The following PRRC2C variants were observed in gnomAD, a reference collection of about 807,000 sequenced individuals.
The protein encoded by PRRC2C is protein PRRC2C.
PRRC2C carries 72 observed loss-of-function variants against 317.2 expected under a neutral mutation model. That is an observed-to-expected ratio of 0.23 (90% CI 0.19 to 0.28). The LOEUF (loss-of-function observed/expected upper bound fraction) is 0.28. Among genes scored for constraint, PRRC2C ranks in the 10% least tolerant of loss-of-function variants. The pLI is 1.00. For missense variants in PRRC2C, 3,074 were observed against 3,459.7 expected, an observed-to-expected ratio of 0.89 and a Z score of 2.80; for synonymous variants, 1,296 against 1,205.9, an observed-to-expected ratio of 1.07 and a Z score of -1.55.
intron 10 of PRRC2C, among the ~76,000 whole-genome samples, chr1:171,527,492 C>T (rs1183319645): frequency 6.6e-6 from 1 of 151,536 alleles, no homozygotes; most frequent in Non-Finnish European, 1.5e-5. Flanking sequence ...TGTGGTGGCT[C>T]ACATCTGTAA....
rs553283026 is a variant in PRRC2C at position 171,500,173 on chromosome 1, T to G, written c.-57-11859T>G. Among the ~76,000 whole-genome samples the G allele has an allele frequency of 2.6e-5, 4 of 152,228 alleles. No homozygotes were observed. In the East Asian group the frequency reaches 7.7e-4, roughly 29 times the overall value. On this transcript the variant is annotated intron_variant, in intron 1 of 34. Transcript: ENST00000647382. ...AAACCCATTGTGGCCAGAAAGAAAG[T>G]TATGTCATTCAGTTGAATTTAGCAA...
chr1:171,591,904 G>A lies in PRRC2C; in HGVS notation c.*57G>A, dbSNP rs1278007994. The A allele has an allele frequency of 3.3e-6, 5 of 1,514,460 alleles. No individual in the cohort carries two copies. The Admixed American group carries it at 9.8e-5, about 30-fold the overall frequency. 93.8% of individuals were successfully genotyped at this position (1,514,460 alleles called of 1,614,324 possible). On this transcript the variant is annotated 3_prime_UTR_variant, in exon 35 of 35. Coordinates refer to ENST00000647382, the MANE Select transcript of PRRC2C (RefSeq NM_001387844.1). Reference sequence around the variant, plus strand: ...GGGGCGGGAAAACATGGAGAATTAAGTCAGATAATGCTGGCAGCCAAAGGG... The same window carrying A: ...GGGGCGGGAAAACATGGAGAATTAAATCAGATAATGCTGGCAGCCAAAGGG...
At chr1:171,570,087 A>C (rs1684490701) in intron 23 of PRRC2C, among the ~76,000 whole-genome samples, 1 of 152,244 alleles carries the variant, frequency 6.6e-6, no homozygotes, top group Admixed American at 6.5e-5. Context: ...AAGCAGAAAG[A>C]TCAGTTTGGG....
At chr1:171,561,890 C>T (rs1682786319) in intron 20 of PRRC2C, among the ~76,000 whole-genome samples, 1 of 152,094 alleles carries the variant, frequency 6.6e-6, no homozygotes, top group African/African-American at 2.4e-5. Context: ...TTACTAAGCA[C>T]TCACAGTATT....
intron 20 of PRRC2C, among the ~76,000 whole-genome samples, chr1:171,563,857 T>C (rs1478952939): frequency 6.6e-6 from 1 of 152,206 alleles, no homozygotes; most frequent in Admixed American, 6.5e-5. Flanking sequence ...TTTTTCATGC[T>C]GGTATGAAGG....
At chr1:171,535,259 A>G (rs1316291737) in intron 12 of PRRC2C, among the ~76,000 whole-genome samples, 169 bp from the exon 13 acceptor site, 7 of 152,204 alleles carry the variant, frequency 4.6e-5, no homozygotes, top group Non-Finnish European at 8.8e-5. Flanking sequence ...TGATAATCTA[A>G]TGTTACCTCA....
At chr1:171,549,199 T>G (rs1251534190) in intron 17 of PRRC2C, among the ~76,000 whole-genome samples, 5 of 152,144 alleles carry the variant, frequency 3.3e-5, no homozygotes, top group Non-Finnish European at 7.3e-5. Flanking sequence ...ATTTATTTAT[T>G]TATGTGTTTG....
rs2272808 is a variant in PRRC2C at position 171,524,799 on chromosome 1, C to G, written c.1056-22C>G. ...ATGATACAGTTGGTCCACTTTATTT[C>G]TTCTGCATTTTGATTTTTCAGTGAG... On this transcript the variant is annotated intron_variant, in intron 9 of 34. Transcript: ENST00000647382. 262 of 1,530,810 alleles carry G rather than the reference C, an allele frequency of 1.7e-4. 1 individual carries two copies. The East Asian group carries it at 6.0e-3, about 35-fold the overall frequency. The allele number at this position is 1,530,810 out of a possible 1,614,324, so 94.8% of individuals were successfully genotyped here.
At chr1:171,511,971 G>A (rs778146861) in intron 1 of PRRC2C, 61 bp from the exon 2 acceptor site, 1 of 542,610 alleles carries the variant, frequency 1.8e-6, no homozygotes, top group Non-Finnish European at 3.3e-6. Context: ...CAGAATTTCT[G>A]TGAACATTTG....
At position 171,517,661 on chromosome 1, in the gene PRRC2C, C is replaced by G; in HGVS notation, c.597C>G (p.Leu199=). The G allele has an allele frequency of 6.2e-7, 1 of 1,612,834 alleles. No individual in the cohort carries two copies. Among genetic ancestry groups the G allele is most frequent in the African/African-American group, 1.3e-5 (1 of 74,640 alleles). ...CGTCATCTGATCAAGATGAAAAGCT[C>G]CCTGGCCAGGATGAAAGCACAGCTG... ...SPSSSDQDEK[L]PGQDESTAGT... Residue 199 remains leucine, a synonymous_variant, in exon 6 of 35, where the codon CTC becomes CTG. Transcript: ENST00000647382.
At chr1:171,575,913 G>C (rs1685621541) in intron 25 of PRRC2C, among the ~76,000 whole-genome samples, 1 of 152,098 alleles carries the variant, frequency 6.6e-6, no homozygotes, top group African/African-American at 2.4e-5. Flanking sequence ...TGTTTGACTG[G>C]TTCTCATTCA....
chr1:171,537,270 T>C lies in PRRC2C; in HGVS notation c.2301T>C (p.Ile767=). ...TCTGAACTTTTGTTACAGGAATGAT[T>C]CCTCCTAAACCATTAATGAGAAGAG... ...MDIPPIHPGM[I]PPKPLMRRDQ... The change falls in exon 15 of 35, where the codon ATT becomes ATC. Residue 767 remains isoleucine, a synonymous_variant. Coordinates refer to ENST00000647382, the MANE Select transcript of PRRC2C (RefSeq NM_001387844.1). The C allele has an allele frequency of 1.3e-6, 2 of 1,588,206 alleles. No individual in the cohort carries two copies. Among genetic ancestry groups the C allele is most frequent in the Non-Finnish European group, 1.7e-6 (2 of 1,166,146 alleles).
chr1:171,566,342 A>C lies in PRRC2C; in HGVS notation c.6227A>C (p.Glu2076Ala), dbSNP rs771641931. 6 of 1,600,760 alleles carry C rather than the reference A, an allele frequency of 3.7e-6. No individual in the cohort carries two copies. In the Admixed American group the frequency reaches 6.9e-5, roughly 18 times the overall value. The change falls in exon 21 of 35, where the codon GAA (glutamate) becomes GCA (alanine). Residue 2076 changes from glutamate to alanine, a missense_variant. By Grantham distance (107) the Glu-to-Ala change is moderately radical (BLOSUM62 -1). This residue lies in a region of PRRC2C where 640 missense variants were observed against 676.1 expected (regional missense o/e 0.95). Transcript: ENST00000647382. ...NENEVVPVLSEKSADKIPEPK... is the reference protein window; with the variant it reads ...NENEVVPVLSAKSADKIPEPK... ...AATGAAGTTGTTCCTGTGCTTTCGG[A>C]AAAATCTGCTGACAAAATACCTGAA...
chr1:171,515,883 C>G lies in PRRC2C; in HGVS notation c.526+24C>G, dbSNP rs1331563059. 5 of 1,563,566 alleles carry G rather than the reference C, an allele frequency of 3.2e-6. No individual in the cohort carries two copies. The Admixed American group carries it at 1.0e-4, about 31-fold the overall frequency. On this transcript the variant is annotated intron_variant, in intron 5 of 34. Coordinates refer to ENST00000647382, the MANE Select transcript of PRRC2C (RefSeq NM_001387844.1). ...AAGTAAGAGTACTTTCTCTTTAATACAAAATGAGATCATATTTGTGTATTA... is the reference window on the plus strand; with the variant it reads ...AAGTAAGAGTACTTTCTCTTTAATAGAAAATGAGATCATATTTGTGTATTA...
At position 171,566,284 on chromosome 1, in the gene PRRC2C, C is replaced by A; in HGVS notation, c.6169C>A (p.Gln2057Lys). The change falls in exon 21 of 35, where the codon CAG becomes AAG. Residue 2057 changes from glutamine to lysine, a missense_variant. By Grantham distance (53) the Gln-to-Lys change is moderately conservative. Around this residue, in one of 11 missense-constraint regions of PRRC2C, gnomAD observed 640 missense variants for 676.1 expected, o/e 0.95. Transcript: ENST00000647382. ...ACTCGAAATTGGAACTGACACAATT[C>A]AGTTTGGTGCTCCAGCCTCAAATGG... ...SGLEIGTDTIQFGAPASNGNE... is the reference protein window; with the variant it reads ...SGLEIGTDTIKFGAPASNGNE... 1 of 1,611,350 alleles carries A rather than the reference C, an allele frequency of 6.2e-7. No individual in the cohort carries two copies. The highest frequency in any genetic ancestry group is 1.1e-5 in the South Asian group (1 of 90,236).
chr1:171,558,099 A>G lies in PRRC2C; in HGVS notation c.5987A>G (p.Asn1996Ser), dbSNP rs1681791648. 6.2e-7 allele frequency: 1 copy of G among 1,613,760 alleles called. No individual in the cohort carries two copies. The highest frequency in any genetic ancestry group is 8.5e-7 in the Non-Finnish European group (1 of 1,179,798). Residue 1996 changes from asparagine to serine, a missense_variant, in exon 19 of 35, where the codon AAC (asparagine) becomes AGC (serine). Physicochemically the swap from Asn to Ser is conservative, Grantham distance 46. Around this residue, in one of 11 missense-constraint regions of PRRC2C, gnomAD observed 640 missense variants for 676.1 expected, o/e 0.95. Coordinates refer to ENST00000647382, the MANE Select transcript of PRRC2C (RefSeq NM_001387844.1). ...ACTCTGACAGCTGAATTATGGGATA[A>G]CAAGGTGGCCCCACCAGCTGTGCTG... ...HGTLTAELWD[N>S]KVAPPAVLND...
In PRRC2C at chr1:171,557,730, C is replaced by T. The variant is rs1245145719; in HGVS notation, c.5618C>T (p.Thr1873Ile). 2 of 1,551,492 alleles carry T rather than the reference C, an allele frequency of 1.3e-6. No homozygotes were observed. Among genetic ancestry groups the T allele is most frequent in the African/African-American group, 1.4e-5 (1 of 72,998 alleles). ...ATTCTTGCTTCAGCCCTAGCATCAA[C>T]TTCAGCTCCAACGCCAGCCCCAGCA... ...IPILASALAS[T>I]SAPTPAPAAS... is the part of the protein sequence containing the mutation. Residue 1873 changes from threonine (T) to isoleucine (I), a missense_variant, in exon 19 of 35, where the codon ACT (threonine) becomes ATT (isoleucine). Physicochemically the swap from Thr to Ile is moderately conservative, Grantham distance 89. Coordinates refer to ENST00000647382, the MANE Select transcript of PRRC2C (RefSeq NM_001387844.1).
chr1:171,490,465 A>T (rs924300062), intron 1 of PRRC2C, among the ~76,000 whole-genome samples: 3 of 152,226 alleles, frequency 2.0e-5, no homozygotes, highest in Admixed American at 1.3e-4. Context: ...AAATGGCAGC[A>T]TTACAGGAAT....
At chr1:171,561,704 G>C (rs1682748482) in intron 20 of PRRC2C, among the ~76,000 whole-genome samples, 1 of 152,152 alleles carries the variant, frequency 6.6e-6, no homozygotes, top group Admixed American at 6.6e-5. Context: ...GAAAATAAAA[G>C]TGCAATTATT....
Sources: gnomAD v4.1 joint callset for allele counts (sites outside exome capture counted in the v4.1 genomes callset) on GRCh38, gnomAD v4.1.1 for gene constraint, gnomAD v4.1.1 regional missense constraint, MANE v1.5 for transcripts, NCBI Gene and HGNC (gene_info 2026-07-23, HGNC 2026-07-21) for gene names.